Variants in MACROD2 observed in about 807,000 individuals in gnomAD.
MACROD2 encodes mono-ADP ribosylhydrolase 2.
A neutral mutation model predicts 70.4 loss-of-function variants in MACROD2; 36 were observed. The ratio of observed to expected loss-of-function variants is 0.51; its 90% CI spans 0.39 to 0.68. MACROD2 has a LOEUF of 0.68. MACROD2 is among the 30% of genes least tolerant of loss of function. The probability of loss-of-function intolerance (pLI) is 0.00; values close to 1 mark genes in which losing one functional copy is unlikely to be tolerated. For missense variants in MACROD2, 496 were observed against 538.4 expected (o/e 0.92, Z 0.78); for synonymous variants, 172 against 178.8 (o/e 0.96, Z 0.30).
At chr20:14,552,560 A>T (rs1006726860) in intron 4 of MACROD2, among the ~76,000 whole-genome samples, 2 of 151,970 alleles carry the variant, frequency 1.3e-5, no homozygotes, top group African/African-American at 2.4e-5. Context: ...ATGTTCTGAA[A>T]AAAACAGATC....
chr20:15,762,477 C>T (rs902273250), intron 8 of MACROD2, among the ~76,000 whole-genome samples: 3 of 152,178 alleles, frequency 2.0e-5, no homozygotes, highest in African/African-American at 7.2e-5. Context: ...GTTCCTACAC[C>T]CTTTGCCATG....
intron 4 of MACROD2, among the ~76,000 whole-genome samples, chr20:14,624,160 A>T (rs941272721): frequency 2.0e-5 from 3 of 152,154 alleles, no homozygotes; most frequent in Non-Finnish European, 4.4e-5. Flanking sequence ...GGTAGACCTT[A>T]TGGGGATACA....
In MACROD2 at chr20:14,909,532, T is replaced by G. The variant is rs1040238803; in HGVS notation, c.418+224573T>G. On this transcript the variant is annotated intron_variant, in intron 5 of 17. Coordinates refer to ENST00000684519, the MANE Select transcript of MACROD2 (RefSeq NM_001351661.2). Reference sequence around the variant, plus strand: ...ATTTCTCCATCTGTAAAATAAAGTATACACACCTACTCAAGAGCCAAGCAG... The same window carrying G: ...ATTTCTCCATCTGTAAAATAAAGTAGACACACCTACTCAAGAGCCAAGCAG... Among the ~76,000 whole-genome samples the G allele has an allele frequency of 1.3e-5, 2 of 151,890 alleles. 1 individual carries two copies. The highest frequency in any genetic ancestry group is 2.9e-5 in the Non-Finnish European group (2 of 68,000).
intron 3 of MACROD2, among the ~76,000 whole-genome samples, chr20:14,196,994 T>A (rs936181999): frequency 6.6e-6 from 1 of 152,182 alleles, no homozygotes; most frequent in African/African-American, 2.4e-5. Flanking sequence ...GGCAAAATAG[T>A]ACATGCTGTA....
intron 2 of MACROD2, among the ~76,000 whole-genome samples, chr20:14,074,876 A>G (rs1446483993): frequency 4.6e-5 from 7 of 152,196 alleles, no homozygotes; most frequent in Admixed American, 1.3e-4. Flanking sequence ...ATTTTGTGCT[A>G]TTCTGAGTAG....
At chr20:14,284,325 A>T (rs1007650870) in intron 3 of MACROD2, among the ~76,000 whole-genome samples, 5 of 152,186 alleles carry the variant, frequency 3.3e-5, no homozygotes, top group Non-Finnish European at 5.9e-5. Flanking sequence ...TAAAACTTAA[A>T]ACTCAGGGTT....
chr20:15,832,417 G>A (rs906376402), intron 8 of MACROD2, among the ~76,000 whole-genome samples: 20 of 152,052 alleles, frequency 1.3e-4, no homozygotes, highest in African/African-American at 4.3e-4. Flanking sequence ...TACCAGCCCT[G>A]GAATGGAAAA....
chr20:14,349,709 A>G (rs2083102252), intron 3 of MACROD2, among the ~76,000 whole-genome samples: 1 of 149,568 alleles, frequency 6.7e-6, no homozygotes, highest in African/African-American at 2.5e-5. Context: ...CAAATAAGTG[A>G]GAACATGTGA....
chr20:14,328,333 A>G (rs2082772101), intron 3 of MACROD2, among the ~76,000 whole-genome samples: 1 of 152,024 alleles, frequency 6.6e-6, no homozygotes, highest in Admixed American at 6.6e-5. Flanking sequence ...ATTTTGTTAT[A>G]TGTTTCATAC....
chr20:14,528,837 A>G (rs1209671607), intron 4 of MACROD2, among the ~76,000 whole-genome samples: 1 of 152,144 alleles, frequency 6.6e-6, no homozygotes, highest in Admixed American at 6.5e-5. Context: ...CTCTTGGTAC[A>G]TCCTGTAGGT....
At chr20:15,647,420 G>T (rs1363189159) in intron 8 of MACROD2, among the ~76,000 whole-genome samples, 1 of 152,008 alleles carries the variant, frequency 6.6e-6, no homozygotes, top group Non-Finnish European at 1.5e-5. Flanking sequence ...AAGTCATAGA[G>T]TTAGCAAAGG....
intron 3 of MACROD2, among the ~76,000 whole-genome samples, chr20:14,318,483 C>G (rs937638274): frequency 6.6e-6 from 1 of 152,184 alleles, no homozygotes; most frequent in African/African-American, 2.4e-5. Context: ...TTGCTTACCT[C>G]TTTGCCTGGA....
chr20:14,227,276 G>A (rs1313989527), intron 3 of MACROD2, among the ~76,000 whole-genome samples: 2 of 152,076 alleles, frequency 1.3e-5, no homozygotes, highest in African/African-American at 4.8e-5. Flanking sequence ...GCAGGCTGCC[G>A]GAGCCAGCAG....
chr20:15,890,787 A>C (rs2064878889), intron 10 of MACROD2, among the ~76,000 whole-genome samples: 1 of 152,158 alleles, frequency 6.6e-6, no homozygotes, highest in African/African-American at 2.4e-5. Context: ...ATGAGAAATG[A>C]GTCGCCATAG....
chr20:14,569,571 A>G (rs1600396714), intron 4 of MACROD2, among the ~76,000 whole-genome samples: 1 of 150,216 alleles, frequency 6.7e-6, no homozygotes, highest in Non-Finnish European at 1.5e-5. Flanking sequence ...AGGTCCCCCC[A>G]CCTTTTTTTT....
intron 8 of MACROD2, among the ~76,000 whole-genome samples, chr20:15,637,815 T>A (rs2049394057): frequency 6.6e-6 from 1 of 152,194 alleles, no homozygotes; most frequent in South Asian, 2.1e-4. Context: ...AATCTCAACA[T>A]CAGTCCTGAA....
chr20:14,127,929 G>T, intron 3 of MACROD2: 1 of 511,780 alleles, frequency 2.0e-6, no homozygotes, highest in Non-Finnish European at 3.9e-6. Context: ...CCCTGATGCA[G>T]ATTCTTTGTA....
At chr20:15,223,224 T>C (rs1039357931) in intron 5 of MACROD2, among the ~76,000 whole-genome samples, 2 of 152,250 alleles carry the variant, frequency 1.3e-5, no homozygotes, top group Non-Finnish European at 2.9e-5. Context: ...CTTCAAGAGG[T>C]TGCATTTGAA....
At chr20:14,411,626 T>G (rs149280742) in intron 3 of MACROD2, among the ~76,000 whole-genome samples, 142 of 152,254 alleles carry the variant, frequency 9.3e-4, no homozygotes, top group African/African-American at 3.3e-3. Context: ...AGTCACTAAG[T>G]TTTGGCATCC....
Sources: gnomAD v4.1 joint callset for allele counts (sites outside exome capture counted in the v4.1 genomes callset) on GRCh38, gnomAD v4.1.1 for gene constraint, MANE v1.5 for transcripts, NCBI Gene and HGNC (gene_info 2026-07-23, HGNC 2026-07-21) for gene names.